The following PXDN variants were observed in gnomAD, a reference collection of about 807,000 sequenced individuals.
The protein encoded by PXDN is peroxidasin.
A neutral mutation model predicts 140.3 loss-of-function variants in PXDN; 77 were observed. The ratio of observed to expected loss-of-function variants is 0.55; its 90% CI spans 0.46 to 0.66. The LOEUF (loss-of-function observed/expected upper bound fraction) is 0.66. Among genes scored for constraint, PXDN ranks in the 30% least tolerant of loss-of-function variants. The pLI is 0.00. For missense variants in PXDN, 1,838 were observed against 2,039.5 expected (o/e 0.90, Z 1.90); for synonymous variants, 911 against 857.4 (o/e 1.06, Z -1.09).
chr2:1,645,207 T>G (rs1682823060), intron 17 of PXDN, among the ~76,000 whole-genome samples: 1 of 152,242 alleles, frequency 6.6e-6, no homozygotes. Flanking sequence ...TTGATTCTAC[T>G]ATATATTGAA....
chr2:1,662,213 G>A lies in PXDN; in HGVS notation c.1568-29C>T, dbSNP rs1358531419. Reference sequence around the variant, plus strand: ...GAAGGCAGATGTAGAGAATCCAGGAGAACGAGTCAATTACATCAAAAAACT... The same window carrying A: ...GAAGGCAGATGTAGAGAATCCAGGAAAACGAGTCAATTACATCAAAAAACT... On this transcript the variant is annotated intron_variant, in intron 12 of 22. Transcript: ENST00000252804. 2.6e-6 allele frequency: 4 copies of A among 1,540,930 alleles called. No homozygotes were observed. In the South Asian group the frequency reaches 4.7e-5, roughly 18 times the overall value.
intron 19 of PXDN, among the ~76,000 whole-genome samples, chr2:1,641,069 C>A (rs528339540): frequency 1.5e-4 from 23 of 152,380 alleles, no homozygotes; most frequent in African/African-American, 5.3e-4. Flanking sequence ...CTAGTGCAGA[C>A]CCCACACAGC....
At chr2:1,655,855 TAC>T (rs569826059) in intron 14 of PXDN, among the ~76,000 whole-genome samples, 48 of 150,878 alleles carry the variant, frequency 3.2e-4, no homozygotes, top group Non-Finnish European at 5.0e-4. Flanking sequence ...TATATGCAGA[TAC>T]ACACAAAAAT....
chr2:1,635,399 C>T lies in PXDN; in HGVS notation c.4320+9G>A. On this transcript the variant is annotated intron_variant, in intron 22 of 22. Coordinates refer to ENST00000252804, the MANE Select transcript of PXDN (RefSeq NM_012293.3). Reference sequence around the variant, plus strand: ...CTTAGGACATGAAGATAGAGCCCCCCATACTCACTTTGCATTCACAAATGG... The same window carrying T: ...CTTAGGACATGAAGATAGAGCCCCCTATACTCACTTTGCATTCACAAATGG... 1 of 1,566,692 alleles carries T rather than the reference C, an allele frequency of 6.4e-7. No homozygotes were observed. Among genetic ancestry groups the T allele is most frequent in the East Asian group, 2.3e-5 (1 of 43,012 alleles).
In PXDN at chr2:1,649,473, G is replaced by C. The variant is rs769712122; in HGVS notation, c.2307C>G (p.Ser769=). The change falls in exon 17 of 23, where the codon TCC becomes TCG. Residue 769 remains serine, a synonymous_variant. Transcript: ENST00000252804. This position sits in a 1 kb window ranked among gnomAD's most constrained non-coding sequence, Gnocchi z 7.1. ...SLTAFERLLK[S]VYENGFNTPR... is the part of the protein sequence containing the mutation. Reference sequence around the variant, plus strand: ...GGGTGTTGAAGCCATTCTCGTACACGGATTTCAGCAGGCGCTCGAAGGCGG... The same window carrying C: ...GGGTGTTGAAGCCATTCTCGTACACCGATTTCAGCAGGCGCTCGAAGGCGG... 6.2e-7 allele frequency: 1 copy of C among 1,614,018 alleles called. No homozygotes were observed. The highest frequency in any genetic ancestry group is 1.7e-5 in the Admixed American group (1 of 60,034).
At chr2:1,743,635 A>G (rs1337282775) in intron 1 of PXDN, among the ~76,000 whole-genome samples, 1 of 34,074 alleles carries the variant, frequency 2.9e-5, no homozygotes, top group African/African-American at 8.9e-5. Flanking sequence ...AGGCTGGGGG[A>G]GGAGAAGGAA....
Position 1,649,321 on chromosome 2 carries a change from T to C in PXDN, c.2459A>G (p.Gln820Arg), listed in dbSNP as rs1558489563. ...PDEQFTHMLM[Q>R]WGQFLDHDLD... ...GTCGTGGTCCAGGAACTGGCCCCAC[T>C]GCATCAGCATGTGGGTGAACTGCTC... The change falls in exon 17 of 23, where the codon CAG becomes CGG. Residue 820 changes from glutamine (Q) to arginine (R), a missense_variant. Physicochemically the swap from Gln to Arg is conservative, Grantham distance 43 (BLOSUM62 1). Coordinates refer to ENST00000252804, the MANE Select transcript of PXDN (RefSeq NM_012293.3). The surrounding 1 kb of genome is among the most constrained non-coding windows in gnomAD (Gnocchi z 7.1). 6.2e-7 allele frequency: 1 copy of C among 1,613,740 alleles called. No homozygotes were observed. Among genetic ancestry groups the C allele is most frequent in the Non-Finnish European group, 8.5e-7 (1 of 1,179,846 alleles).
Position 1,705,291 on chromosome 2 carries a change from C to T in PXDN, c.201-12157G>A, listed in dbSNP as rs140320168. Among the ~76,000 whole-genome samples the T allele has an allele frequency of 7.2e-5, 11 of 152,294 alleles. No homozygotes were observed. In the East Asian group the frequency reaches 1.9e-3, roughly 27 times the overall value. On this transcript the variant is annotated intron_variant, in intron 1 of 22. Coordinates refer to ENST00000252804, the MANE Select transcript of PXDN (RefSeq NM_012293.3). ...ACTGAAGACACTCCCTCCATGAAGG[C>T]TGGGGTTGGGAGGGGTGAATGTAGG...
chr2:1,667,847 G>C (rs951848995), intron 9 of PXDN, among the ~76,000 whole-genome samples: 2 of 152,034 alleles, frequency 1.3e-5, no homozygotes, highest in Admixed American at 6.5e-5. Context: ...TGGACAGGAA[G>C]AATCAATATT....
At position 1,643,444 on chromosome 2, in the gene PXDN, C is replaced by G. The variant is rs377271958; in HGVS notation, c.3876G>C (p.Ala1292=). Reference sequence around the variant, plus strand: ...AGCTGCCGTAGCCGTGAGGGAACTCCGCCACCCTGAACACGTCGCTCTGCA... The same window carrying G: ...AGCTGCCGTAGCCGTGAGGGAACTCGGCCACCCTGAACACGTCGCTCTGCA... The part of the protein sequence containing the change: ...TRVQSDVFRV[A]EFPHGYGSCD... Residue 1292 remains alanine, a synonymous_variant, in exon 19 of 23, where the codon GCG becomes GCC. Coordinates refer to ENST00000252804, the MANE Select transcript of PXDN (RefSeq NM_012293.3). 2.2e-5 allele frequency: 36 copies of G among 1,613,850 alleles called. No homozygotes were observed. The highest frequency in any genetic ancestry group is 2.9e-5 in the Non-Finnish European group (34 of 1,179,904).
chr2:1,700,209 A>G (rs530595677), intron 1 of PXDN, among the ~76,000 whole-genome samples: 1 of 152,006 alleles, frequency 6.6e-6, no homozygotes, highest in Non-Finnish European at 1.5e-5. Flanking sequence ...TTACAGGCGC[A>G]TGCCACTGCG....
At chr2:1,641,334 A>T (rs1294476835) in intron 19 of PXDN, among the ~76,000 whole-genome samples, 1 of 152,012 alleles carries the variant, frequency 6.6e-6, no homozygotes, top group African/African-American at 2.4e-5. Flanking sequence ...GTATTTTTGT[A>T]GAGACGGGTT....
chr2:1,632,630 C>G lies in PXDN; in HGVS notation c.*1574G>C, dbSNP rs1682439806. 6.6e-6 allele frequency: 1 copy of G among 152,242 alleles called. No individual in the cohort carries two copies. Among genetic ancestry groups the G allele is most frequent in the African/African-American group, 2.4e-5 (1 of 41,458 alleles). 9.4% of individuals were successfully genotyped at this position (152,242 alleles called of 1,614,324 possible). On this transcript the variant is annotated 3_prime_UTR_variant, in exon 23 of 23. Coordinates refer to ENST00000252804, the MANE Select transcript of PXDN (RefSeq NM_012293.3). This position sits in a 1 kb window ranked among gnomAD's most constrained non-coding sequence, Gnocchi z 4.3. ...CTTGGCCGGCCCGTGCTGGAAGGGTCTGGGTGTCTCCTTGGGAGGATGTGC... is the reference window on the plus strand; with the variant it reads ...CTTGGCCGGCCCGTGCTGGAAGGGTGTGGGTGTCTCCTTGGGAGGATGTGC...
At chr2:1,679,780 TGTGTCTATAAATG>T (rs1459242079) in intron 7 of PXDN, among the ~76,000 whole-genome samples, 3 of 148,342 alleles carry the variant, frequency 2.0e-5, no homozygotes, top group Non-Finnish European at 4.4e-5. Flanking sequence ...TCTGCATGTG[TGTGTCTATAAATG>T]GTGTGTGTAA....
In PXDN at chr2:1,744,438, C is replaced by T. The variant is rs1685643181; in HGVS notation, c.18G>A (p.Arg6=). Residue 6 remains arginine, a synonymous_variant, in exon 1 of 23, where the codon AGG becomes AGA. Coordinates refer to ENST00000252804, the MANE Select transcript of PXDN (RefSeq NM_012293.3). The stretch of plus-strand genomic sequence containing the variant: ...CCAACAGGCAGCGGCGCCCGGGGCC[C>T]CTGGAGCGCTTGGCCATGGCCGACG... MAKRS[R]GPGRRCLLAL... 4 of 1,496,930 alleles carry T rather than the reference C, an allele frequency of 2.7e-6. No homozygotes were observed. Among genetic ancestry groups the T allele is most frequent in the Non-Finnish European group, 3.5e-6 (4 of 1,130,328 alleles). The allele number at this position is 1,496,930 out of a possible 1,614,324, so 92.7% of individuals were successfully genotyped here.
rs79852226 is a variant in PXDN at position 1,644,956 on chromosome 2, C to G, written c.3609-204G>C. Among the ~76,000 whole-genome samples, 587 of 151,916 alleles carry G rather than the reference C, an allele frequency of 3.9e-3. 6 individuals are homozygous for G. Among genetic ancestry groups the G allele is most frequent in the Middle Eastern group, 0.024 (7 of 294 alleles). On this transcript the variant is annotated intron_variant, in intron 17 of 22. Coordinates refer to ENST00000252804, the MANE Select transcript of PXDN (RefSeq NM_012293.3). ...CCTACTTTCTATTATATATGTGAGA[C>G]ACACACACACACAAACGCATTTATT...
Position 1,651,630 on chromosome 2 carries a change from G to A in PXDN, c.2105-1955C>T, listed in dbSNP as rs905817354. ...ACCTGCTGTTCCACTATGCTCCAAC[G>A]TGCCCCACCTCCAAGACTCTGCATG... On this transcript the variant is annotated intron_variant, in intron 16 of 22. Transcript: ENST00000252804. This position sits in a 1 kb window ranked among gnomAD's most constrained non-coding sequence, Gnocchi z 4.4. 2.6e-5 allele frequency among the ~76,000 whole-genome samples: 4 copies of A among 151,972 alleles called. No individual in the cohort carries two copies. The highest frequency in any genetic ancestry group is 7.3e-5 in the African/African-American group (3 of 41,370).
chr2:1,674,589 G>A (rs34833393), intron 8 of PXDN, among the ~76,000 whole-genome samples: 3 of 152,050 alleles, frequency 2.0e-5, no homozygotes, highest in African/African-American at 2.4e-5. Context: ...TTACCCCAAC[G>A]CTCAGTCCTG....
At chr2:1,690,900 C>G (rs1314245835) in intron 3 of PXDN, among the ~76,000 whole-genome samples, 1 of 152,104 alleles carries the variant, frequency 6.6e-6, no homozygotes, top group African/African-American at 2.4e-5. Context: ...AGAATCAAAA[C>G]AGATTTCAGA....
Sources: gnomAD v4.1 joint callset for allele counts (sites outside exome capture counted in the v4.1 genomes callset) on GRCh38, gnomAD v4.1.1 for gene constraint, Gnocchi (gnomAD v3.1) non-coding constraint, MANE v1.5 for transcripts, NCBI Gene and HGNC (gene_info 2026-07-23, HGNC 2026-07-21) for gene names.